The following DSTN variants were observed in gnomAD, a reference collection of about 807,000 sequenced individuals.
The protein encoded by DSTN is destrin, actin depolymerizing factor, also known as destrin.
Under a neutral mutation model 16.8 loss-of-function variants are expected in DSTN, and 10 were observed. The observed-to-expected ratio is 0.60, with a 90% CI of 0.37 to 1.01. The LOEUF (loss-of-function observed/expected upper bound fraction) is 1.01, where lower values mean the gene tolerates loss of function less well. Ranked by LOEUF, DSTN falls within the 50% of genes least tolerant of loss-of-function variation. The probability of loss-of-function intolerance (pLI) is 0.01; values close to 1 mark genes in which losing one functional copy is unlikely to be tolerated. For synonymous variants in DSTN, 57 were observed against 58.9 expected (o/e 0.97, Z 0.14); for missense variants, 141 against 196.7 (o/e 0.72, Z 1.69).
chr20:17,583,004 A>G (rs753770984), intron 1 of DSTN, among the ~76,000 whole-genome samples: 3 of 152,218 alleles, frequency 2.0e-5, no homozygotes, highest in African/African-American at 4.8e-5. Context: ...AGGACTTACA[A>G]CTCAACAATC....
intron 1 of DSTN, among the ~76,000 whole-genome samples, 199 bp from the exon 2 acceptor site, chr20:17,600,539 G>C (rs529038723): frequency 5.5e-4 from 83 of 152,240 alleles, no homozygotes; most frequent in Middle Eastern, 3.4e-3. Flanking sequence ...CAGTAGTGAG[G>C]AATGGCATAT....
intron 1 of DSTN, among the ~76,000 whole-genome samples, chr20:17,590,503 G>A (rs1207597988): frequency 6.6e-6 from 1 of 152,182 alleles, no homozygotes; most frequent in East Asian, 1.9e-4. Context: ...AAGAGCAACT[G>A]TTCTCCAGTG....
chr20:17,575,928 A>T (rs111337851), intron 1 of DSTN, among the ~76,000 whole-genome samples: 1 of 152,326 alleles, frequency 6.6e-6, no homozygotes, highest in Non-Finnish European at 1.5e-5. Flanking sequence ...CTTCAGCAAT[A>T]TTGTAACCAC....
At chr20:17,593,889 G>T (rs887355270) in intron 1 of DSTN, among the ~76,000 whole-genome samples, 2 of 151,260 alleles carry the variant, frequency 1.3e-5, no homozygotes, top group South Asian at 4.2e-4. Context: ...GACCAGCTTG[G>T]ACAACATAGT....
intron 1 of DSTN, among the ~76,000 whole-genome samples, chr20:17,571,049 A>G (rs2035200165): frequency 6.6e-6 from 1 of 152,258 alleles, no homozygotes; most frequent in Non-Finnish European, 1.5e-5. Context: ...GAGTCACCAG[A>G]AAGTAAACAG....
At chr20:17,589,785 A>C (rs185492643) in intron 1 of DSTN, among the ~76,000 whole-genome samples, 3 of 152,230 alleles carry the variant, frequency 2.0e-5, no homozygotes, top group African/African-American at 7.2e-5. Context: ...TAAGATGCTG[A>C]TGACATTTTT....
At chr20:17,604,926 T>C (rs1047299104) in intron 3 of DSTN, among the ~76,000 whole-genome samples, 12 of 152,224 alleles carry the variant, frequency 7.9e-5, no homozygotes, top group Non-Finnish European at 1.3e-4. Flanking sequence ...AGTTTTCTCA[T>C]GTAGGAGGTG....
chr20:17,586,239 C>G (rs2035407097), intron 1 of DSTN, among the ~76,000 whole-genome samples: 2 of 152,154 alleles, frequency 1.3e-5, no homozygotes, highest in African/African-American at 4.8e-5. Context: ...AGACTACAAC[C>G]TTTATATGCA....
chr20:17,601,667 A>G (rs2035588635), intron 2 of DSTN, among the ~76,000 whole-genome samples: 1 of 152,224 alleles, frequency 6.6e-6, no homozygotes, highest in Non-Finnish European at 1.5e-5. Flanking sequence ...GATACAGAAC[A>G]TTTCCATCAT....
In DSTN at chr20:17,607,311, T is replaced by C; in HGVS notation, c.*165T>C. On this transcript the variant is annotated 3_prime_UTR_variant, in exon 4 of 4. Transcript: ENST00000246069. The stretch of plus-strand genomic sequence containing the variant: ...ATATGCAAACAGCCCTAAATAAATC[T>C]AAAGTCTAAAGTTTTATTGATGTGA... 2.0e-6 allele frequency: 1 copy of C among 500,646 alleles called. No homozygotes were observed. Among genetic ancestry groups the C allele is most frequent in the Non-Finnish European group, 3.4e-6 (1 of 295,946 alleles). 31.0% of individuals were successfully genotyped at this position (500,646 alleles called of 1,614,324 possible). A position where few individuals can be genotyped will look rare whatever the true frequency, so the allele number is the denominator to read the frequency against.
intron 1 of DSTN, among the ~76,000 whole-genome samples, chr20:17,587,885 T>C (rs2035428216): frequency 1.3e-5 from 2 of 152,220 alleles, no homozygotes; most frequent in African/African-American, 4.8e-5. Context: ...TAAAATTTCT[T>C]CAGCTTTATT....
chr20:17,607,063 G>C lies in DSTN; in HGVS notation c.415G>C (p.Gly139Arg), dbSNP rs780187422. 6.2e-7 allele frequency: 1 copy of C among 1,613,848 alleles called. No individual in the cohort carries two copies. Among genetic ancestry groups the C allele is most frequent in the Non-Finnish European group, 8.5e-7 (1 of 1,179,936 alleles). ...CATAAAACATGAATGTCAAGCAAAT[G>C]GACCAGAAGATCTCAATCGGGCTTG... ...QGIKHECQAN[G>R]PEDLNRACIA... The change falls in exon 4 of 4, where the codon GGA (glycine) becomes CGA (arginine). Residue 139 changes from glycine (G) to arginine (R), a missense_variant. Transcript: ENST00000246069.
Position 17,590,353 on chromosome 20 carries a change from C to T in DSTN, c.4-10385C>T, listed in dbSNP as rs570898615. The stretch of plus-strand genomic sequence containing the variant: ...GGCCTCAGATGTATTGATTTAATCT[C>T]TGAAACATTATTTCACAAAAGCTGT... On this transcript the variant is annotated intron_variant, in intron 1 of 3. Transcript: ENST00000246069. Among the ~76,000 whole-genome samples, 4 of 152,304 alleles carry T rather than the reference C, an allele frequency of 2.6e-5. No individual in the cohort carries two copies. In the South Asian group the frequency reaches 6.2e-4, roughly 24 times the overall value.
rs957892765 is a variant in DSTN at position 17,570,119 on chromosome 20, C to T, written c.-90C>T. 30 of 1,503,192 alleles carry T rather than the reference C, an allele frequency of 2.0e-5. No homozygotes were observed. The East Asian group carries it at 4.7e-4, about 24-fold the overall frequency. The allele number at this position is 1,503,192 out of a possible 1,614,324, so 93.1% of individuals were successfully genotyped here. On this transcript the variant is annotated 5_prime_UTR_variant, in exon 1 of 4. Transcript: ENST00000246069. ...CCGCCGCGTCAGCTCAGCGCTGGGT[C>T]TCTCGGTCCCGCAGCCGTGAGGAGG...
intron 1 of DSTN, chr20:17,592,005 A>G (rs1163126538): frequency 5.1e-6 from 5 of 985,352 alleles, no homozygotes; most frequent in Non-Finnish European, 6.0e-6. Flanking sequence ...CACAGGCACT[A>G]CGAGAATGGA....
chr20:17,589,692 A>G (rs2035449804), intron 1 of DSTN, among the ~76,000 whole-genome samples: 1 of 152,228 alleles, frequency 6.6e-6, no homozygotes, highest in Non-Finnish European at 1.5e-5. Context: ...CCCTTGTGCA[A>G]GGCATGGTAT....
chr20:17,571,142 A>T (rs1158937764), intron 1 of DSTN, among the ~76,000 whole-genome samples: 1 of 152,216 alleles, frequency 6.6e-6, no homozygotes, highest in African/African-American at 2.4e-5. Context: ...CTAATTAGCT[A>T]TTTAAAAACG....
chr20:17,604,867 A>C (rs916985530), intron 3 of DSTN, among the ~76,000 whole-genome samples: 1 of 152,166 alleles, frequency 6.6e-6, no homozygotes, highest in Non-Finnish European at 1.5e-5. Flanking sequence ...GACATTGTCT[A>C]TATATATCGT....
At chr20:17,578,961 C>CAAAAAA (rs59600009) in intron 1 of DSTN, among the ~76,000 whole-genome samples, 70 of 81,096 alleles carry the variant, frequency 8.6e-4, no homozygotes, top group East Asian at 3.7e-3. Context: ...AATTCCATCT[C>CAAAAAA]AAAAAAAAAA....
Sources: allele counts gnomAD v4.1 joint callset (sites outside exome capture counted in the v4.1 genomes callset), GRCh38; gene constraint gnomAD v4.1.1; transcripts MANE v1.5; gene names NCBI Gene and HGNC (gene_info 2026-07-23, HGNC 2026-07-21).